GCN1: variants seen among roughly 807,000 people sequenced by gnomAD.
GCN1 encodes the protein GCN1 activator of EIF2AK4.
A neutral mutation model predicts 288.4 loss-of-function variants in GCN1; 90 were observed. The observed-to-expected ratio is 0.31, with a 90% CI of 0.26 to 0.37. The LOEUF (loss-of-function observed/expected upper bound fraction) is 0.37. Ranked by LOEUF, GCN1 falls within the 10% of genes least tolerant of loss-of-function variation. The pLI is 1.00. For synonymous variants in GCN1, 1,386 were observed against 1,420.2 expected, an observed-to-expected ratio of 0.98 and a Z score of 0.54; for missense variants, 2,586 against 3,419.9, an observed-to-expected ratio of 0.76 and a Z score of 6.08.
Position 120,174,083 on chromosome 12 carries a change from G to C in GCN1, c.1180C>G (p.Leu394Val). ...TGCACAGAATTACCTTCCTGCTGAA[G>C]GAACGGGATGAACAGCTCAGCCACG... ...GIVAELFIPF[L>V]QQEVHEGTLV... is the part of the protein sequence containing the mutation. The change falls in exon 13 of 58, where the codon CTT (leucine) becomes GTT (valine). Residue 394 changes from leucine to valine, a missense_variant. By Grantham distance (32) the Leu-to-Val change is conservative. This residue lies in a region of GCN1 where 913 missense variants were observed against 1,107.0 expected (regional missense o/e 0.82). Transcript: ENST00000300648. 1 of 1,587,800 alleles carries C rather than the reference G, an allele frequency of 6.3e-7. No individual in the cohort carries two copies. Among genetic ancestry groups the C allele is most frequent in the Non-Finnish European group, 8.7e-7 (1 of 1,155,998 alleles).
chr12:120,151,846 ACACT>A (rs1015460044), intron 33 of GCN1, among the ~76,000 whole-genome samples: 2 of 152,126 alleles, frequency 1.3e-5, no homozygotes, highest in Non-Finnish European at 2.9e-5. Context: ...GAACCAAAAG[ACACT>A]CAATCCTGCC....
At position 120,174,042 on chromosome 12, in the gene GCN1, C is replaced by T. The variant is rs754637076; in HGVS notation, c.1192+29G>A. On this transcript the variant is annotated intron_variant, in intron 13 of 57. Transcript: ENST00000300648. ...ACCACGGTCAAGGATGAGTACAGAA[C>T]GCATGCTCACCATGTTGCACAGAAT... 2.0e-5 allele frequency: 27 copies of T among 1,324,080 alleles called. No homozygotes were observed. The South Asian group carries it at 2.6e-4, about 13-fold the overall frequency. 82.0% of individuals were successfully genotyped at this position (1,324,080 alleles called of 1,614,324 possible).
In GCN1 at chr12:120,144,150, A is replaced by AT. The variant is rs1877285005; in HGVS notation, c.5495+155dup. Among the ~76,000 whole-genome samples, 1 of 151,960 alleles carries AT rather than the reference A, an allele frequency of 6.6e-6. No individual in the cohort carries two copies. Among genetic ancestry groups the AT allele is most frequent in the Admixed American group, 6.6e-5 (1 of 15,264 alleles). On this transcript the variant is annotated intron_variant, in intron 42 of 57. Transcript: ENST00000300648. This position sits in a 1 kb window ranked among gnomAD's most constrained non-coding sequence, Gnocchi z 4.7. The stretch of plus-strand genomic sequence containing the variant: ...CACCACCATTCCCAGCTAATTTTTT[A>AT]TTTTTTATAGAGACAGGGTCTCACT...
chr12:120,178,800 G>T, intron 6 of GCN1, 41 bp from the exon 7 acceptor site: 1 of 1,613,640 alleles, frequency 6.2e-7, no homozygotes, highest in Non-Finnish European at 8.5e-7. Context: ...AGATGGCAGT[G>T]GGGGAGTGGC....
chr12:120,171,913 G>T (rs1594282345), intron 14 of GCN1, among the ~76,000 whole-genome samples: 1 of 152,202 alleles, frequency 6.6e-6, no homozygotes, highest in Non-Finnish European at 1.5e-5. Flanking sequence ...TTTTGGTAGA[G>T]ACAGAGTCTT....
At chr12:120,174,450 G>A (rs562636527) in intron 12 of GCN1, among the ~76,000 whole-genome samples, 1 of 152,300 alleles carries the variant, frequency 6.6e-6, no homozygotes, top group Non-Finnish European at 1.5e-5. Context: ...CGTCACAGGA[G>A]TCAAGATGCA....
In GCN1 at chr12:120,162,104, C is replaced by A. The variant is rs140622582; in HGVS notation, c.2164-46G>T. The A allele has an allele frequency of 1.7e-5, 26 of 1,547,160 alleles. No individual in the cohort carries two copies. The East Asian group carries it at 5.6e-4, about 34-fold the overall frequency. The stretch of plus-strand genomic sequence containing the variant: ...TGGTCAGTGTGTGCCAAGGCTGGCA[C>A]TGGCAAGAGGTCCACCACACCTGAA... On this transcript the variant is annotated intron_variant, in intron 20 of 57. Coordinates refer to ENST00000300648, the MANE Select transcript of GCN1 (RefSeq NM_006836.2).
At position 120,155,543 on chromosome 12, in the gene GCN1, AAAGG is replaced by A; in HGVS notation, c.3440+45_3440+48del. ...AGCACACTGGGTTCAGTTATTTCCT[AAAGG>A]AAGAGAGGATGCAGCAGGAGAAAGC... On this transcript the variant is annotated intron_variant, in intron 29 of 57. Coordinates refer to ENST00000300648, the MANE Select transcript of GCN1 (RefSeq NM_006836.2). This position sits in a 1 kb window ranked among gnomAD's most constrained non-coding sequence, Gnocchi z 4.9. 6.2e-7 allele frequency: 1 copy of A among 1,611,826 alleles called. No individual in the cohort carries two copies. Among genetic ancestry groups the A allele is most frequent in the Admixed American group, 1.7e-5 (1 of 59,998 alleles).
Position 120,142,805 on chromosome 12 carries a change from G to C in GCN1, c.5613+19C>G, listed in dbSNP as rs200613418. The C allele has an allele frequency of 1.9e-6, 3 of 1,592,516 alleles. No individual in the cohort carries two copies. Among genetic ancestry groups the C allele is most frequent in the African/African-American group, 2.7e-5 (2 of 74,480 alleles). On this transcript the variant is annotated intron_variant, in intron 43 of 57. Coordinates refer to ENST00000300648, the MANE Select transcript of GCN1 (RefSeq NM_006836.2). The surrounding 1 kb of genome is among the most constrained non-coding windows in gnomAD (Gnocchi z 4.9). ...GCACACCCTACCATCAGCAGGGGCA[G>C]GAAAGCCACTGCAGGCACCTTGTTG...
chr12:120,193,843 T>A (rs1032100113), intron 1 of GCN1, among the ~76,000 whole-genome samples: 18 of 152,210 alleles, frequency 1.2e-4, no homozygotes, highest in Non-Finnish European at 2.2e-4. Context: ...GCTTAAGTGG[T>A]CATTTTCTGG....
In GCN1 at chr12:120,161,932, C is replaced by A. The variant is rs1877945421; in HGVS notation, c.2290G>T (p.Ala764Ser). The change falls in exon 21 of 58, where the codon GCC (alanine) becomes TCC (serine). Residue 764 changes from alanine (A) to serine (S), a missense_variant. By Grantham distance (99) the Ala-to-Ser change is moderately conservative (BLOSUM62 1). Transcript: ENST00000300648. ...TCCCCAGCAGGGGTCTGCATAATGGCAAACTCCTCCCGCGTCACCAGGCGC... is the reference window on the plus strand; with the variant it reads ...TCCCCAGCAGGGGTCTGCATAATGGAAAACTCCTCCCGCGTCACCAGGCGC... ...ALRLVTREEF[A>S]IMQTPAGELY... 1 of 1,614,174 alleles carries A rather than the reference C, an allele frequency of 6.2e-7. No individual in the cohort carries two copies. The highest frequency in any genetic ancestry group is 2.2e-5 in the East Asian group (1 of 44,884).
intron 5 of GCN1, among the ~76,000 whole-genome samples, chr12:120,181,820 C>T (rs1394141984): frequency 1.1e-5 from 1 of 91,308 alleles, no homozygotes; most frequent in African/African-American, 4.6e-5. Flanking sequence ...GCCTATGCAA[C>T]AAGAGTAAAA....
chr12:120,170,583 T>C (rs1385478455), intron 14 of GCN1, among the ~76,000 whole-genome samples: 1 of 148,458 alleles, frequency 6.7e-6, no homozygotes, highest in African/African-American at 2.5e-5. Flanking sequence ...CCGAGGCGGG[T>C]GGATCACCTG....
chr12:120,145,310 G>A lies in GCN1; in HGVS notation c.4968C>T (p.Pro1656=), dbSNP rs779997336. 1.3e-6 allele frequency: 2 copies of A among 1,596,210 alleles called. No homozygotes were observed. Among genetic ancestry groups the A allele is most frequent in the Admixed American group, 1.8e-5 (1 of 56,822 alleles). ...TDQKDLAPYL[P]SVTPGLKASL... ...ATGCTTTCAGGCCAGGCGTCACGCT[G>A]GGCAGGTACGGAGCCAAGTCCTGCA... The change falls in exon 39 of 58, where the codon CCC becomes CCT. Residue 1656 remains proline, a synonymous_variant. Transcript: ENST00000300648.
chr12:120,136,409 A>T, intron 51 of GCN1, 93 bp downstream of exon 51: 1 of 933,832 alleles, frequency 1.1e-6, no homozygotes, highest in Non-Finnish European at 1.7e-6. Flanking sequence ...CTCCACAATA[A>T]ATCTGTTGCC....
At chr12:120,162,276 C>T (rs2092941582) in intron 20 of GCN1, 1 of 567,770 alleles carries the variant, frequency 1.8e-6, no homozygotes, top group African/African-American at 1.9e-5. Flanking sequence ...TGAGGTGATA[C>T]ACTCCTTCCC....
At chr12:120,183,007 A>G (rs1012723995) in intron 5 of GCN1, among the ~76,000 whole-genome samples, 18 of 151,430 alleles carry the variant, frequency 1.2e-4, no homozygotes, top group African/African-American at 4.1e-4. Context: ...CACTAAGCCT[A>G]CCCAGGCACA....
intron 10 of GCN1, 78 bp downstream of exon 10, chr12:120,176,065 C>T (rs1878472861): frequency 7.8e-7 from 1 of 1,276,858 alleles, no homozygotes; most frequent in Non-Finnish European, 1.1e-6. Flanking sequence ...TGTCCCCTAC[C>T]CCTGCTACAA....
chr12:120,189,418 A>G (rs1443802743), intron 2 of GCN1, among the ~76,000 whole-genome samples: 2 of 140,630 alleles, frequency 1.4e-5, no homozygotes, highest in African/African-American at 5.4e-5. Flanking sequence ...GCTAGAGTGC[A>G]GTGGCATAAT....
Sources: gnomAD v4.1 joint callset for allele counts (sites outside exome capture counted in the v4.1 genomes callset) on GRCh38, gnomAD v4.1.1 for gene constraint, gnomAD v4.1.1 regional missense constraint, Gnocchi (gnomAD v3.1) non-coding constraint, MANE v1.5 for transcripts, NCBI Gene and HGNC (gene_info 2026-07-23, HGNC 2026-07-21) for gene names.